TEX264: variants seen among roughly 807,000 people sequenced by gnomAD.
TEX264 encodes testis expressed 264, ER-phagy receptor.
TEX264 carries 13 observed loss-of-function variants against 23.4 expected under a neutral mutation model. The ratio of observed to expected loss-of-function variants is 0.56; its 90% CI spans 0.36 to 0.88. The LOEUF (loss-of-function observed/expected upper bound fraction) is 0.88. Ranked by LOEUF, TEX264 falls within the 40% of genes least tolerant of loss-of-function variation. The pLI is 0.01. For synonymous variants in TEX264, 159 were observed against 170.0 expected, an observed-to-expected ratio of 0.94 and a Z score of 0.50; for missense variants, 340 against 406.8, an observed-to-expected ratio of 0.84 and a Z score of 1.41.
At chr3:51,697,074 C>CAAAGCCAT (rs1416533868) in intron 3 of TEX264, among the ~76,000 whole-genome samples, 1 of 152,232 alleles carries the variant, frequency 6.6e-6, no homozygotes, top group Admixed American at 6.5e-5. Context: ...CCTCTGTTCT[C>CAAAGCCAT]CCTGATGGCT....
At chr3:51,699,307 G>A in intron 3 of TEX264, 99 bp from the exon 4 acceptor site, 2 of 1,311,364 alleles carry the variant, frequency 1.5e-6, no homozygotes, top group Non-Finnish European at 2.1e-6. Context: ...GCCAGCCCCT[G>A]GGACAGAATA....
rs183151753 is a variant in TEX264, at chr3:51,694,077, T to G, written c.481-5329T>G. On this transcript the variant is annotated intron_variant, in intron 3 of 4. Coordinates refer to ENST00000341333, the MANE Select transcript of TEX264 (RefSeq NM_015926.6). ...TTCCCTTCCCTTCCCTTCCCCTTCCTTCCGTCCGTCCTTCCTTCCTTCCTT... is the reference window on the plus strand; with the variant it reads ...TTCCCTTCCCTTCCCTTCCCCTTCCGTCCGTCCGTCCTTCCTTCCTTCCTT... 3.9e-3 allele frequency among the ~76,000 whole-genome samples: 421 copies of G among 108,184 alleles called. 1 individual carries two copies. The highest frequency in any genetic ancestry group is 5.4e-3 in the Admixed American group (60 of 11,162). 71.0% of individuals were successfully genotyped at this position (108,184 alleles called of 152,430 possible).
chr3:51,678,765 C>T (rs549713482), intron 2 of TEX264, among the ~76,000 whole-genome samples: 32 of 152,164 alleles, frequency 2.1e-4, no homozygotes, highest in Admixed American at 2.1e-3. Context: ...TGATGTAGGC[C>T]TGTGTCACAC....
At chr3:51,695,562 A>G (rs891331614) in intron 3 of TEX264, among the ~76,000 whole-genome samples, 7 of 152,216 alleles carry the variant, frequency 4.6e-5, no homozygotes, top group African/African-American at 1.4e-4. Flanking sequence ...TTCCTCTCCC[A>G]TAATTCAGAA....
intron 1 of TEX264, among the ~76,000 whole-genome samples, chr3:51,673,294 C>A (rs561877375): frequency 1.3e-5 from 2 of 152,324 alleles, no homozygotes; most frequent in African/African-American, 4.8e-5. Context: ...TTTTTCCCCC[C>A]CGCCAGGCAA....
At chr3:51,678,376 G>T (rs1486607973) in intron 2 of TEX264, among the ~76,000 whole-genome samples, 15 of 152,162 alleles carry the variant, frequency 9.9e-5, no homozygotes, top group Admixed American at 9.8e-4. Context: ...TGTCTGCCAG[G>T]CTGGCTCTCT....
In TEX264 at chr3:51,696,372, T is replaced by TA. The variant is rs1055132460; in HGVS notation, c.481-3032dup. ...CTGCTCTCCAAGGGCTCCCTGGGGC[T>TA]AACTGAGGGAGAGGCAGCTGGCCTC... On this transcript the variant is annotated intron_variant, in intron 3 of 4. Transcript: ENST00000341333. Among the ~76,000 whole-genome samples, 5 of 152,296 alleles carry TA rather than the reference T, an allele frequency of 3.3e-5. No homozygotes were observed. In the East Asian group the frequency reaches 9.7e-4, roughly 29 times the overall value.
chr3:51,673,928 C>T (rs988614472), intron 1 of TEX264, among the ~76,000 whole-genome samples: 6 of 152,068 alleles, frequency 3.9e-5, no homozygotes, highest in African/African-American at 7.2e-5. Context: ...GGTACATCTT[C>T]GGGGAGACTT....
At chr3:51,673,663 A>G (rs1388988874) in intron 1 of TEX264, among the ~76,000 whole-genome samples, 3 of 152,190 alleles carry the variant, frequency 2.0e-5, no homozygotes, top group Non-Finnish European at 4.4e-5. Context: ...AGCTTGCTGG[A>G]TAGCAAGGTC....
intron 3 of TEX264, among the ~76,000 whole-genome samples, chr3:51,698,974 C>G (rs954235333): frequency 6.6e-6 from 1 of 152,082 alleles, no homozygotes; most frequent in African/African-American, 2.4e-5. Context: ...GAGAGGAGGT[C>G]AGGGCCAGGG....
In TEX264 at chr3:51,686,373, A is replaced by C. The variant is rs1223618136; in HGVS notation, c.480+1739A>C. Among the ~76,000 whole-genome samples the C allele has an allele frequency of 6.6e-6, 1 of 152,138 alleles. No individual in the cohort carries two copies. The highest frequency in any genetic ancestry group is 2.4e-5 in the African/African-American group (1 of 41,412). On this transcript the variant is annotated intron_variant, in intron 3 of 4. Coordinates refer to ENST00000341333, the MANE Select transcript of TEX264 (RefSeq NM_015926.6). The surrounding 1 kb of genome is among the most constrained non-coding windows in gnomAD (Gnocchi z 4.1). Reference sequence around the variant, plus strand: ...AGGATCCTTGCAACTTTGTTCACCAAAGCAGCTTGGGGAAAGGGACACAGC... The same window carrying C: ...AGGATCCTTGCAACTTTGTTCACCACAGCAGCTTGGGGAAAGGGACACAGC...
chr3:51,695,038 C>T (rs987703761), intron 3 of TEX264, among the ~76,000 whole-genome samples: 1 of 152,248 alleles, frequency 6.6e-6, no homozygotes, highest in Admixed American at 6.5e-5. Flanking sequence ...TTTGAGTCCC[C>T]ACTTGCAGGG....
At chr3:51,695,299 G>A (rs1331986468) in intron 3 of TEX264, among the ~76,000 whole-genome samples, 1 of 152,222 alleles carries the variant, frequency 6.6e-6, no homozygotes, top group African/African-American at 2.4e-5. Context: ...TTATGTAGGA[G>A]ATGTGACCCG....
At chr3:51,695,787 G>A (rs1703034017) in intron 3 of TEX264, among the ~76,000 whole-genome samples, 1 of 152,224 alleles carries the variant, frequency 6.6e-6, no homozygotes, top group South Asian at 2.1e-4. Flanking sequence ...TGGGTGAGCT[G>A]CTCCTTCCCT....
chr3:51,682,717 A>G (rs1577503170), intron 2 of TEX264: 1 of 152,170 alleles, frequency 6.6e-6, no homozygotes, highest in Non-Finnish European at 1.5e-5. Flanking sequence ...TCAGATTCGC[A>G]CCGTGGCCTG....
intron 2 of TEX264, among the ~76,000 whole-genome samples, chr3:51,678,870 A>T (rs910698889): frequency 1.3e-5 from 2 of 152,096 alleles, no homozygotes; most frequent in African/African-American, 4.8e-5. Flanking sequence ...AGGGAGTAGG[A>T]TTTCCCAGGA....
At chr3:51,694,070 C>CCCTTCCGT (rs1559680743) in intron 3 of TEX264, among the ~76,000 whole-genome samples, 1 of 102,450 alleles carries the variant, frequency 9.8e-6, no homozygotes, top group Non-Finnish European at 2.0e-5. Flanking sequence ...CCTTCCCTTC[C>CCCTTCCGT]CCTTCCTTCC....
chr3:51,687,022 G>A (rs1702645798), intron 3 of TEX264, among the ~76,000 whole-genome samples: 1 of 152,182 alleles, frequency 6.6e-6, no homozygotes, highest in Admixed American at 6.5e-5. Context: ...TCACCTCTTT[G>A]ATGAAAGCCC....
At chr3:51,673,819 G>A (rs1200782521) in intron 1 of TEX264, among the ~76,000 whole-genome samples, 3 of 152,184 alleles carry the variant, frequency 2.0e-5, no homozygotes. Flanking sequence ...TCCTCCCTCT[G>A]GCAGTCGTCC....
Sources: allele counts gnomAD v4.1 joint callset (sites outside exome capture counted in the v4.1 genomes callset), GRCh38; gene constraint gnomAD v4.1.1; non-coding constraint Gnocchi (gnomAD v3.1); transcripts MANE v1.5; gene names NCBI Gene and HGNC (gene_info 2026-07-23, HGNC 2026-07-21).